Variants in MCF2L2 observed in about 807,000 individuals in gnomAD.
MCF2L2 encodes MCF.2 cell line derived transforming sequence-like 2, also known as probable guanine nucleotide exchange factor MCF2L2.
Under a neutral mutation model 150.2 loss-of-function variants are expected in MCF2L2, and 102 were observed. The ratio of observed to expected loss-of-function variants is 0.68; its 90% CI spans 0.58 to 0.80. The LOEUF is 0.80. Among genes scored for constraint, MCF2L2 ranks in the 30% least tolerant of loss-of-function variants. MCF2L2 has a pLI of 0.00. For missense variants in MCF2L2, 1,256 were observed against 1,372.8 expected (o/e 0.91, Z 1.34); for synonymous variants, 465 against 491.3 (o/e 0.95, Z 0.71).
chr3:183,337,627 C>T (rs1451748774), intron 5 of MCF2L2, among the ~76,000 whole-genome samples: 1 of 151,592 alleles, frequency 6.6e-6, no homozygotes, highest in East Asian at 1.9e-4. Context: ...TAACTTACCA[C>T]TTTTATTGGC....
rs761087698 is a variant in MCF2L2 at position 183,270,566 on chromosome 3, T to C, written c.1862+6306A>G. On this transcript the variant is annotated intron_variant, in intron 15 of 29. Transcript: ENST00000328913. The surrounding 1 kb of genome is among the most constrained non-coding windows in gnomAD (Gnocchi z 4.5). ...CTTACCCTGACTACACAGCCGGAGCTGCCTATGTAATCTCCGGTGATGTAG... is the reference window on the plus strand; with the variant it reads ...CTTACCCTGACTACACAGCCGGAGCCGCCTATGTAATCTCCGGTGATGTAG... 6.2e-7 allele frequency: 1 copy of C among 1,614,098 alleles called. No individual in the cohort carries two copies. Among genetic ancestry groups the C allele is most frequent in the Admixed American group, 1.7e-5 (1 of 60,010 alleles).
At chr3:183,193,847 AC>A (rs976164108) in intron 26 of MCF2L2, among the ~76,000 whole-genome samples, 1 of 151,914 alleles carries the variant, frequency 6.6e-6, no homozygotes, top group East Asian at 1.9e-4. Flanking sequence ...AAACCTCATC[AC>A]CCCCGGCCTT....
At chr3:183,425,529 G>A (rs1716116415) in intron 1 of MCF2L2, among the ~76,000 whole-genome samples, 1 of 152,152 alleles carries the variant, frequency 6.6e-6, no homozygotes, top group East Asian at 1.9e-4. Context: ...CTACCCTTGA[G>A]AAGCTCCACT....
intron 5 of MCF2L2, among the ~76,000 whole-genome samples, chr3:183,334,485 T>C (rs934932269): frequency 6.6e-6 from 1 of 151,852 alleles, no homozygotes; most frequent in Non-Finnish European, 1.5e-5. Context: ...ATCACTTAAG[T>C]AGCATAAAAG....
rs1729675264 is a variant in MCF2L2, at chr3:183,318,146, G to A, written c.675C>T (p.Ala225=). 1.2e-6 allele frequency: 2 copies of A among 1,614,206 alleles called. No homozygotes were observed. The highest frequency in any genetic ancestry group is 1.6e-4 in the Middle Eastern group (1 of 6,062). Residue 225 remains alanine (A), a synonymous_variant, in exon 7 of 30, where the codon GCC becomes GCT. Transcript: ENST00000328913. ...GCATGCTTCTGGGCAGCTCTGCTGT[G>A]GCCAGGCAGGACCCAAACGTCTGCA... ...QMLQTFGSCL[A]TAELPRSMLS... is the part of the protein sequence containing the mutation.
chr3:183,394,949 G>A (rs776013735), intron 1 of MCF2L2, among the ~76,000 whole-genome samples: 7 of 152,106 alleles, frequency 4.6e-5, no homozygotes, highest in Admixed American at 6.5e-5. Context: ...TTATGTGGTC[G>A]ATTCCATACC....
chr3:183,260,011 C>CCCG (rs1560377527), intron 15 of MCF2L2, among the ~76,000 whole-genome samples: 1 of 152,050 alleles, frequency 6.6e-6, no homozygotes, highest in African/African-American at 2.4e-5. Context: ...CTGCCCACCT[C>CCCG]CTCCCCTGCC....
intron 2 of MCF2L2, among the ~76,000 whole-genome samples, chr3:183,383,553 T>A (rs1577110419): frequency 6.6e-6 from 1 of 152,048 alleles, no homozygotes; most frequent in South Asian, 2.1e-4. Flanking sequence ...GGTTTTTTTT[T>A]AATCTTAATA....
chr3:183,207,818 A>G lies in MCF2L2; in HGVS notation c.2502T>C (p.Asp834=). The G allele has an allele frequency of 6.2e-7, 1 of 1,613,640 alleles. No individual in the cohort carries two copies. Among genetic ancestry groups the G allele is most frequent in the Non-Finnish European group, 8.5e-7 (1 of 1,179,576 alleles). The change falls in exon 23 of 30, where the codon GAT becomes GAC. Residue 834 remains aspartate (D), a synonymous_variant. Coordinates refer to ENST00000328913, the MANE Select transcript of MCF2L2 (RefSeq NM_015078.4). ...DLAAVTECPD[D]IGKLGKLLLH... is the part of the protein sequence containing the mutation. ...GCAACAGCTTGCCTAGTTTTCCAAT[A>G]TCGTCCTTTTGGAAACACACATACA...
At chr3:183,243,910 G>A (rs150275583) in intron 15 of MCF2L2, among the ~76,000 whole-genome samples, 1,833 of 152,188 alleles carry the variant, frequency 0.012, 38 homozygotes, top group African/African-American at 0.042. Context: ...GCCAAGGCAG[G>A]CGGATCACGA....
At chr3:183,329,672 A>T (rs558886046) in intron 5 of MCF2L2, among the ~76,000 whole-genome samples, 1 of 152,352 alleles carries the variant, frequency 6.6e-6, no homozygotes, top group Non-Finnish European at 1.5e-5. Context: ...AAGAAGTCAG[A>T]CTCAGACTCA....
At chr3:183,222,054 A>G (rs937659957) in intron 20 of MCF2L2, among the ~76,000 whole-genome samples, 1 of 152,152 alleles carries the variant, frequency 6.6e-6, no homozygotes, top group African/African-American at 2.4e-5. Flanking sequence ...TTTACAGATG[A>G]GGTCTTGCTA....
intron 5 of MCF2L2, among the ~76,000 whole-genome samples, chr3:183,330,245 G>GAAAAAAAAAAAAA (rs200391954): frequency 1.7e-5 from 1 of 57,338 alleles, no homozygotes; most frequent in Non-Finnish European, 3.4e-5. Context: ...ACCCTGTCTT[G>GAAAAAAAAAAAAA]AAAAAAAAAA....
At chr3:183,251,043 G>C (rs1259372509) in intron 15 of MCF2L2, among the ~76,000 whole-genome samples, 2 of 152,224 alleles carry the variant, frequency 1.3e-5, no homozygotes, top group Non-Finnish European at 2.9e-5. Context: ...TAACTTGCCA[G>C]AGATCCTGTG....
intron 20 of MCF2L2, among the ~76,000 whole-genome samples, chr3:183,221,983 C>G (rs917401363): frequency 6.6e-6 from 1 of 152,138 alleles, no homozygotes; most frequent in Non-Finnish European, 1.5e-5. Flanking sequence ...TACACCGAGG[C>G]TGAAACTGCT....
chr3:183,320,338 C>A (rs920241729), intron 6 of MCF2L2, among the ~76,000 whole-genome samples: 2 of 152,090 alleles, frequency 1.3e-5, no homozygotes, highest in African/African-American at 4.8e-5. Context: ...AGGTGATCTG[C>A]CCACCTCGGC....
At chr3:183,425,606 C>T (rs1716121118) in intron 1 of MCF2L2, among the ~76,000 whole-genome samples, 1 of 152,186 alleles carries the variant, frequency 6.6e-6, no homozygotes, top group African/African-American at 2.4e-5. Flanking sequence ...CCCGCTCCAC[C>T]TTGAGGTCCC....
At chr3:183,381,789 T>C (rs1713540960) in intron 2 of MCF2L2, among the ~76,000 whole-genome samples, 2 of 152,208 alleles carry the variant, frequency 1.3e-5, no homozygotes, top group South Asian at 2.1e-4. Flanking sequence ...TATATTGAAC[T>C]ACCTCATTAC....
At chr3:183,314,169 G>A (rs1729499274) in intron 7 of MCF2L2, among the ~76,000 whole-genome samples, 1 of 152,176 alleles carries the variant, frequency 6.6e-6, no homozygotes, top group Admixed American at 6.5e-5. Flanking sequence ...AGCCCAAGGT[G>A]CCCGCAATTT....
Sources: gnomAD v4.1 joint callset for allele counts (sites outside exome capture counted in the v4.1 genomes callset) on GRCh38, gnomAD v4.1.1 for gene constraint, Gnocchi (gnomAD v3.1) non-coding constraint, MANE v1.5 for transcripts, NCBI Gene and HGNC (gene_info 2026-07-23, HGNC 2026-07-21) for gene names.